Variants in RPH3A observed in about 807,000 individuals in gnomAD.
RPH3A encodes the protein rabphilin 3A.
A neutral mutation model predicts 102.2 loss-of-function variants in RPH3A; 48 were observed. The observed-to-expected ratio is 0.47, with a 90% confidence interval of 0.37 to 0.60. The LOEUF is 0.60. Among genes scored for constraint, RPH3A ranks in the 20% least tolerant of loss-of-function variants. The pLI is 0.00. For missense variants in RPH3A, 781 were observed against 910.1 expected (o/e 0.86, Z 1.83); for synonymous variants, 310 against 324.3 (o/e 0.96, Z 0.47).
At chr12:112,887,678 T>G in intron 16 of RPH3A, 119 bp from the exon 17 acceptor site, 1 of 1,112,276 alleles carries the variant, frequency 9.0e-7, no homozygotes, top group Non-Finnish European at 1.3e-6. Flanking sequence ...AAACAGGAAA[T>G]CATATTATTT....
intron 7 of RPH3A, among the ~76,000 whole-genome samples, chr12:112,867,316 T>G (rs2042628488): frequency 2.0e-5 from 3 of 152,164 alleles, no homozygotes; most frequent in Admixed American, 6.5e-5. Flanking sequence ...CCAGGCATCC[T>G]TCTCTTCCCC....
At chr12:112,889,766 C>T (rs1392465023) in intron 17 of RPH3A, among the ~76,000 whole-genome samples, 3 of 152,122 alleles carry the variant, frequency 2.0e-5, no homozygotes, top group Non-Finnish European at 2.9e-5. Context: ...CTACTCGGAC[C>T]CTCAGCATCC....
At chr12:112,661,091 G>C (rs569875672) in intron 1 of RPH3A, among the ~76,000 whole-genome samples, 1 of 152,094 alleles carries the variant, frequency 6.6e-6, no homozygotes, top group Non-Finnish European at 1.5e-5. Flanking sequence ...CAGAGGGTTC[G>C]TGTGAAGAGG....
chr12:112,620,611 C>G (rs2039714897), intron 1 of RPH3A, among the ~76,000 whole-genome samples: 1 of 152,202 alleles, frequency 6.6e-6, no homozygotes, highest in Non-Finnish European at 1.5e-5. Context: ...TTAGTCAGTA[C>G]CGCCACTAGG....
At chr12:112,658,325 T>C (rs1478737861) in intron 1 of RPH3A, among the ~76,000 whole-genome samples, 1 of 152,100 alleles carries the variant, frequency 6.6e-6, no homozygotes, top group Non-Finnish European at 1.5e-5. Flanking sequence ...TACAGGTGTG[T>C]GCCACCATGC....
At position 112,727,583 on chromosome 12, in the gene RPH3A, T is replaced by G. The variant is rs141425652; in HGVS notation, c.-139-64560T>G. The stretch of plus-strand genomic sequence containing the variant: ...TTTGCTGAAACTACTGAGAAAATGA[T>G]AGGTGTTTCTTTCCCATGGAAAGAA... On this transcript the variant is annotated intron_variant, in intron 1 of 21. Transcript: ENST00000543106. 4.0e-3 allele frequency among the ~76,000 whole-genome samples: 575 copies of G among 143,188 alleles called. 7 individuals carry two copies. Among genetic ancestry groups the G allele is most frequent in the African/African-American group, 0.014 (544 of 38,410 alleles). 93.9% of individuals were successfully genotyped at this position (143,188 alleles called of 152,430 possible). A position where few individuals can be genotyped will look rare whatever the true frequency, so the allele number is the denominator to read the frequency against.
chr12:112,858,995 G>T (rs1016593022), intron 5 of RPH3A, among the ~76,000 whole-genome samples: 2 of 152,196 alleles, frequency 1.3e-5, no homozygotes, highest in African/African-American at 2.4e-5. Context: ...AGTTAATCAG[G>T]CATGTAAAGA....
At chr12:112,692,908 C>T (rs2040317622) in intron 1 of RPH3A, among the ~76,000 whole-genome samples, 1 of 152,178 alleles carries the variant, frequency 6.6e-6, no homozygotes, top group South Asian at 2.1e-4. Flanking sequence ...TCTTGTCATG[C>T]CTGCTCCTGC....
At chr12:112,676,259 C>T (rs2040173549) in intron 1 of RPH3A, among the ~76,000 whole-genome samples, 1 of 151,902 alleles carries the variant, frequency 6.6e-6, no homozygotes, top group Admixed American at 6.6e-5. Flanking sequence ...CAGGCTGGGA[C>T]AGATGTTAAC....
intron 1 of RPH3A, among the ~76,000 whole-genome samples, chr12:112,741,806 A>G (rs2040711273): frequency 1.3e-5 from 2 of 152,176 alleles, no homozygotes; most frequent in African/African-American, 4.8e-5. Flanking sequence ...CTGAGTCACT[A>G]CATTCCTTAA....
intron 10 of RPH3A, chr12:112,873,796 A>G (rs2042746646): frequency 6.6e-6 from 1 of 152,152 alleles, no homozygotes; most frequent in African/African-American, 2.4e-5. Flanking sequence ...CATTTGAAGA[A>G]CTCAATGACT....
In RPH3A at chr12:112,792,275, T is replaced by C. The variant is rs1320139675; in HGVS notation, c.-19+12T>C. 1 of 152,134 alleles carries C rather than the reference T, an allele frequency of 6.6e-6. No individual in the cohort carries two copies. The highest frequency in any genetic ancestry group is 1.5e-5 in the Non-Finnish European group (1 of 68,024). The allele number at this position is 152,134 out of a possible 1,614,324, so 9.4% of individuals were successfully genotyped here. A position where few individuals can be genotyped will look rare whatever the true frequency, so the allele number is the denominator to read the frequency against. The stretch of plus-strand genomic sequence containing the variant: ...CCTCCAGCGTCGCGGTAAGTGATAT[T>C]CTCCCGGGTTGTGCAGATGGGCTAG... On this transcript the variant is annotated intron_variant, in intron 2 of 21. Coordinates refer to ENST00000389385, the MANE Select transcript of RPH3A (RefSeq NM_001143854.2).
At chr12:112,638,225 C>T (rs1222225473) in intron 1 of RPH3A, among the ~76,000 whole-genome samples, 1 of 152,174 alleles carries the variant, frequency 6.6e-6, no homozygotes, top group African/African-American at 2.4e-5. Context: ...TTGCCTTCTA[C>T]CATGAGTGGA....
chr12:112,822,927 G>A (rs1285303817), intron 2 of RPH3A, among the ~76,000 whole-genome samples: 1 of 152,224 alleles, frequency 6.6e-6, no homozygotes, highest in Admixed American at 6.5e-5. Flanking sequence ...TTTAGAGTTT[G>A]TACAAGGACT....
chr12:112,645,749 G>A (rs2039924919), intron 1 of RPH3A, among the ~76,000 whole-genome samples: 1 of 152,154 alleles, frequency 6.6e-6, no homozygotes, highest in Non-Finnish European at 1.5e-5. Flanking sequence ...ATCGCTTCTA[G>A]TAGATCTGAT....
At chr12:112,631,581 C>A (rs1017159719) in intron 1 of RPH3A, among the ~76,000 whole-genome samples, 2 of 152,036 alleles carry the variant, frequency 1.3e-5, no homozygotes, top group East Asian at 1.9e-4. Context: ...GTGGTGTGAG[C>A]ATGGCATCAT....
At chr12:112,728,713 T>C (rs1419450364) in intron 1 of RPH3A, among the ~76,000 whole-genome samples, 1 of 151,984 alleles carries the variant, frequency 6.6e-6, no homozygotes, top group Non-Finnish European at 1.5e-5. Context: ...ACAAAACAAA[T>C]ACACAAAACT....
At chr12:112,640,959 G>T (rs1172213910) in intron 1 of RPH3A, among the ~76,000 whole-genome samples, 1 of 152,154 alleles carries the variant, frequency 6.6e-6, no homozygotes, top group East Asian at 1.9e-4. Flanking sequence ...TAGGACATTT[G>T]TGTGTCTGGG....
chr12:112,581,408 T>A (rs1412937504), intron 1 of RPH3A, among the ~76,000 whole-genome samples: 1 of 152,130 alleles, frequency 6.6e-6, no homozygotes, highest in African/African-American at 2.4e-5. Context: ...ACTGGGTCCC[T>A]CCCATGACAT....
Sources: allele counts gnomAD v4.1 joint callset (sites outside exome capture counted in the v4.1 genomes callset), GRCh38; gene constraint gnomAD v4.1.1; transcripts MANE v1.5; gene names NCBI Gene and HGNC (gene_info 2026-07-23, HGNC 2026-07-21).